CHRD: variants seen among roughly 807,000 people sequenced by gnomAD.
CHRD encodes the protein chordin.
In CHRD, 69 loss-of-function variants were observed where a neutral mutation model predicts 113.7. That is an observed-to-expected ratio of 0.61 (90% CI 0.50 to 0.74). CHRD has a LOEUF of 0.74. CHRD is among the 30% of genes least tolerant of loss of function. The probability of loss-of-function intolerance (pLI) is 0.00; values close to 1 mark genes in which losing one functional copy is unlikely to be tolerated. For missense variants in CHRD, 1,194 were observed against 1,295.8 expected (o/e 0.92, Z 1.21); for synonymous variants, 561 against 540.8 (o/e 1.04, Z -0.52).
Position 184,380,352 on chromosome 3 carries a change from C to T in CHRD, c.34C>T (p.Leu12=), listed in dbSNP as rs1225475448. 4 of 1,353,266 alleles carry T rather than the reference C, an allele frequency of 3.0e-6. No homozygotes were observed. In the South Asian group the frequency reaches 5.8e-5, roughly 20 times the overall value. The allele number at this position is 1,353,266 out of a possible 1,614,324, so 83.8% of individuals were successfully genotyped here. Residue 12 remains leucine (L), a synonymous_variant, in exon 1 of 23, where the codon CTG becomes TTG. Transcript: ENST00000204604. This position sits in a 1 kb window ranked among gnomAD's most constrained non-coding sequence, Gnocchi z 6.3. ...CCTCCCGGCCCCGCCGGCCCCGCTGCTGCTCCTCGGGCTGCTGCTGCTCGG... is the reference window on the plus strand; with the variant it reads ...CCTCCCGGCCCCGCCGGCCCCGCTGTTGCTCCTCGGGCTGCTGCTGCTCGG...
rs1715161199 is a variant in CHRD, at chr3:184,380,587, G to A, written c.149-105G>A. ...CGGCGGGCGGCCCGGAGGGTGGGCG[G>A]GGGCAGAAGGGCGCGGTGCCTGGGA... is the stretch of plus-strand genomic sequence containing the variant. On this transcript the variant is annotated intron_variant, in intron 1 of 22. Transcript: ENST00000204604. The surrounding 1 kb of genome is among the most constrained non-coding windows in gnomAD (Gnocchi z 6.3). The A allele has an allele frequency of 9.5e-7, 1 of 1,049,868 alleles. No individual in the cohort carries two copies. The highest frequency in any genetic ancestry group is 1.2e-6 in the Non-Finnish European group (1 of 831,762). The allele number at this position is 1,049,868 out of a possible 1,614,324, so 65.0% of individuals were successfully genotyped here.
rs767595082 is a variant in CHRD at position 184,386,562 on chromosome 3, C to T, written c.2003C>T (p.Ala668Val). The T allele has an allele frequency of 1.6e-5, 25 of 1,549,726 alleles. No individual in the cohort carries two copies. Among genetic ancestry groups the T allele is most frequent in the Non-Finnish European group, 2.2e-5 (25 of 1,155,268 alleles). The change falls in exon 16 of 23, where the codon GCG becomes GTG. Residue 668 changes from alanine (A) to valine (V), a missense_variant. Ala to Val is a moderately conservative substitution (Grantham distance 64). Transcript: ENST00000204604. ...GCGGCCGGGGCCGAGGGGGTGCGGG[C>T]GCTGGGGGCTCCGGATACAGCCTCT...
exon 8 of CHRD, chr3:184,382,688 G>C: frequency 6.2e-7 from 1 of 1,613,898 alleles, no homozygotes; most frequent in Non-Finnish European, 8.5e-7. Context: ...GGCGTAGGGG[G>C]CATCACCCTG....
chr3:184,384,902 C>A lies in CHRD; in HGVS notation c.1598-116C>A. The A allele has an allele frequency of 7.9e-7, 1 of 1,273,194 alleles. No homozygotes were observed. The highest frequency in any genetic ancestry group is 1.1e-6 in the Non-Finnish European group (1 of 900,018). The allele number at this position is 1,273,194 out of a possible 1,614,324, so 78.9% of individuals were successfully genotyped here. A position where few individuals can be genotyped will look rare whatever the true frequency, so the allele number is the denominator to read the frequency against. ...ACTTGCTGCTCTCCAGGCCCTGGAC[C>A]TATGGACAGTGTCTTCCAGCTCGTG... On this transcript the variant is annotated intron_variant, in intron 13 of 22. Transcript: ENST00000204604. The surrounding 1 kb of genome is among the most constrained non-coding windows in gnomAD (Gnocchi z 4.4).
chr3:184,387,022 C>CT lies in CHRD; in HGVS notation c.2291-28dup. 2.5e-6 allele frequency: 4 copies of CT among 1,614,110 alleles called. No homozygotes were observed. The highest frequency in any genetic ancestry group is 3.4e-6 in the Non-Finnish European group (4 of 1,179,940). On this transcript the variant is annotated intron_variant, in intron 17 of 22. Coordinates refer to ENST00000204604, the Ensembl canonical transcript of CHRD. The surrounding 1 kb of genome is among the most constrained non-coding windows in gnomAD (Gnocchi z 6.1). ...GGGAGGGAATGAGGGTGGTCACTCT[C>CT]TGCTTTCACCATTTCTTTGGCTCCA...
In CHRD at chr3:184,381,506, T is replaced by C; in HGVS notation, c.393T>C (p.Ser131=). Residue 131 remains serine (S), a synonymous_variant, in exon 4 of 23, where the codon AGT becomes AGC. Coordinates refer to ENST00000204604, the Ensembl canonical transcript of CHRD. The surrounding 1 kb of genome is among the most constrained non-coding windows in gnomAD (Gnocchi z 4.7). ...CCCCCCCGCCCGCAGAGCGCAGCAG[T>C]TCGGAGCGGCAGCCGAGCGGCCTGT... The C allele has an allele frequency of 6.3e-7, 1 of 1,598,516 alleles. No homozygotes were observed. Among genetic ancestry groups the C allele is most frequent in the African/African-American group, 1.3e-5 (1 of 74,800 alleles).
Position 184,384,562 on chromosome 3 carries a change from G to A in CHRD, c.1466G>A (p.Gly489Asp), listed in dbSNP as rs1214367058. The A allele has an allele frequency of 1.9e-6, 3 of 1,586,456 alleles. No individual in the cohort carries two copies. The African/African-American group carries it at 4.0e-5, about 21-fold the overall frequency. Reference sequence around the variant, plus strand: ...GCCGTGGGTATCTGCCCTGGGCTGGGTGCCCGAGGGGCTCATATGCTGCTG... The same window carrying A: ...GCCGTGGGTATCTGCCCTGGGCTGGATGCCCGAGGGGCTCATATGCTGCTG... Residue 489 changes from glycine to aspartate, a missense_variant, in exon 13 of 23, where the codon GGT becomes GAT. Coordinates refer to ENST00000204604, the Ensembl canonical transcript of CHRD. The surrounding 1 kb of genome is among the most constrained non-coding windows in gnomAD (Gnocchi z 4.4).
rs1360243647 is a variant in CHRD, at chr3:184,380,739, C to A, written c.196C>A (p.Pro66Thr). 6.3e-7 allele frequency: 1 copy of A among 1,599,880 alleles called. No homozygotes were observed. Among genetic ancestry groups the A allele is most frequent in the East Asian group, 2.3e-5 (1 of 44,202 alleles). Residue 66 changes from proline to threonine, a missense_variant, in exon 2 of 23, where the codon CCG (proline) becomes ACG (threonine). Transcript: ENST00000204604. This position sits in a 1 kb window ranked among gnomAD's most constrained non-coding sequence, Gnocchi z 6.3. ...CTATGCCTTGGACGAGACGTGGCAC[C>A]CGGACCTAGGGGAGCCATTCGGGGT... is the stretch of plus-strand genomic sequence containing the variant.
chr3:184,387,285 C>A lies in CHRD; in HGVS notation c.2348-89C>A. 2.1e-6 allele frequency: 3 copies of A among 1,458,832 alleles called. No individual in the cohort carries two copies. Among genetic ancestry groups the A allele is most frequent in the Non-Finnish European group, 2.8e-6 (3 of 1,069,696 alleles). The allele number at this position is 1,458,832 out of a possible 1,614,324, so 90.4% of individuals were successfully genotyped here. A position where few individuals can be genotyped will look rare whatever the true frequency, so the allele number is the denominator to read the frequency against. On this transcript the variant is annotated intron_variant, in intron 18 of 22. Transcript: ENST00000204604. This position sits in a 1 kb window ranked among gnomAD's most constrained non-coding sequence, Gnocchi z 6.1. The stretch of plus-strand genomic sequence containing the variant: ...CCCAGGTGGGCCCTTGGCTTAGGCT[C>A]GTGTGGGGGTGGCCTGAGGCTCAAG...
At chr3:184,382,914 A>G in exon 9 of CHRD, 8 of 1,613,884 alleles carry the variant, frequency 5.0e-6, no homozygotes, top group Non-Finnish European at 6.8e-6. Context: ...TACTGCGAGA[A>G]CTTCAGGCCA....
chr3:184,382,032 C>A lies in CHRD; in HGVS notation c.699+12C>A, dbSNP rs367834552. The stretch of plus-strand genomic sequence containing the variant: ...CCCAAGATGGCCTGGTGAGATGATG[C>A]CATTTATGAGCACTTGCCCAGTCTG... On this transcript the variant is annotated intron_variant, in intron 6 of 22. Coordinates refer to ENST00000204604, the Ensembl canonical transcript of CHRD. The A allele has an allele frequency of 2.3e-5, 37 of 1,613,300 alleles. No individual in the cohort carries two copies. The African/African-American group carries it at 4.8e-4, about 21-fold the overall frequency.
chr3:184,383,090 G>C (rs779266864), exon 10 of CHRD: 1 of 1,611,436 alleles, frequency 6.2e-7, no homozygotes, highest in South Asian at 1.1e-5. Context: ...GGGAGCTGCA[G>C]ATGGCCCTGG....
chr3:184,387,182 G>T lies in CHRD; in HGVS notation c.2347+75G>T. On this transcript the variant is annotated intron_variant, in intron 18 of 22. Coordinates refer to ENST00000204604, the Ensembl canonical transcript of CHRD. The surrounding 1 kb of genome is among the most constrained non-coding windows in gnomAD (Gnocchi z 6.1). ...GGTTGAACCAGGAGGGGGACAAGAA[G>T]GGGAGAGTATATAGGGGGTGGCCTG... The T allele has an allele frequency of 6.9e-7, 1 of 1,451,222 alleles. No homozygotes were observed. Among genetic ancestry groups the T allele is most frequent in the South Asian group, 1.1e-5 (1 of 87,234 alleles). 89.9% of individuals were successfully genotyped at this position (1,451,222 alleles called of 1,614,324 possible).
rs903814414 is a variant in CHRD, at chr3:184,381,648, G to C, written c.511+24G>C. Reference sequence around the variant, plus strand: ...GGGTAGGGGGCTGGCGAACAGCGGGGTTGTGGTTGAGGCTGGGCCACCAAA... The same window carrying C: ...GGGTAGGGGGCTGGCGAACAGCGGGCTTGTGGTTGAGGCTGGGCCACCAAA... On this transcript the variant is annotated intron_variant, in intron 4 of 22. Transcript: ENST00000204604. The surrounding 1 kb of genome is among the most constrained non-coding windows in gnomAD (Gnocchi z 4.7). 1 of 1,605,092 alleles carries C rather than the reference G, an allele frequency of 6.2e-7. No homozygotes were observed. Among genetic ancestry groups the C allele is most frequent in the African/African-American group, 1.3e-5 (1 of 74,834 alleles).
In CHRD at chr3:184,383,904, G is replaced by A. The variant is rs547530654; in HGVS notation, c.1440+262G>A. ...CGATTCTCCTGCCTCAGCCTCCCAA[G>A]TAGCTGGGACCACAGGTGTGCACCA... On this transcript the variant is annotated intron_variant, in intron 12 of 22. Transcript: ENST00000204604. Among the ~76,000 whole-genome samples, 5 of 150,758 alleles carry A rather than the reference G, an allele frequency of 3.3e-5. No individual in the cohort carries two copies. The East Asian group carries it at 7.9e-4, about 24-fold the overall frequency.
rs929176927 is a variant in CHRD, at chr3:184,386,032, C to G, written c.1819-14C>G. ...AAGTGCCTTATTCCTATCCATTGTC[C>G]TGTCTATGTGCAGGCCCAGGGTGTG... On this transcript the variant is annotated splice_polypyrimidine_tract_variant and intron_variant, in intron 14 of 22. Transcript: ENST00000204604. 2 of 1,613,984 alleles carry G rather than the reference C, an allele frequency of 1.2e-6. No individual in the cohort carries two copies. Among genetic ancestry groups the G allele is most frequent in the Admixed American group, 3.3e-5 (2 of 60,020 alleles).
rs150451021 is a variant in CHRD, at chr3:184,388,780, G to A, written c.2709+39G>A. 310 of 1,611,334 alleles carry A rather than the reference G, an allele frequency of 1.9e-4. 2 individuals are homozygous for A. The East Asian group carries it at 6.8e-3, about 35-fold the overall frequency. On this transcript the variant is annotated intron_variant, in intron 21 of 22. Transcript: ENST00000204604. The surrounding 1 kb of genome is among the most constrained non-coding windows in gnomAD (Gnocchi z 6.1). ...AGAGGCTTGTGTGAGGTGGGTACTG[G>A]GAGCCTGGTCTGGAGTAGGGAGACC...
Position 184,380,401 on chromosome 3 carries a change from G to T in CHRD, c.83G>T (p.Gly28Val). Reference sequence around the variant, plus strand: ...GGCTCCCGGCCGGCCCGCGGCGCCGGCCCAGAGCCCCCCGTGCTGCCCATC... The same window carrying T: ...GGCTCCCGGCCGGCCCGCGGCGCCGTCCCAGAGCCCCCCGTGCTGCCCATC... Residue 28 changes from glycine to valine, a missense_variant, in exon 1 of 23, where the codon GGC becomes GTC. Gly to Val is a moderately radical substitution (Grantham distance 109, BLOSUM62 -3). Coordinates refer to ENST00000204604, the Ensembl canonical transcript of CHRD. The surrounding 1 kb of genome is among the most constrained non-coding windows in gnomAD (Gnocchi z 6.3). The T allele has an allele frequency of 7.5e-7, 1 of 1,340,840 alleles. No individual in the cohort carries two copies. The highest frequency in any genetic ancestry group is 1.5e-5 in the South Asian group (1 of 67,374). 83.1% of individuals were successfully genotyped at this position (1,340,840 alleles called of 1,614,324 possible).
rs1484131150 is a variant in CHRD, at chr3:184,383,030, T to G, written c.1080T>G (p.Ala360=). ...TCTGTCCCCAGGAACCAGGCTTTGCTGAGGTGCTGCCCAACCTGACAGTCC... is the reference window on the plus strand; with the variant it reads ...TCTGTCCCCAGGAACCAGGCTTTGCGGAGGTGCTGCCCAACCTGACAGTCC... Residue 360 remains alanine (A), a synonymous_variant, in exon 10 of 23, where the codon GCT becomes GCG. Coordinates refer to ENST00000204604, the Ensembl canonical transcript of CHRD. The G allele has an allele frequency of 1.9e-6, 3 of 1,612,540 alleles. No individual in the cohort carries two copies. In the South Asian group the frequency reaches 3.3e-5, roughly 18 times the overall value.
Sources: gnomAD v4.1 joint callset for allele counts (sites outside exome capture counted in the v4.1 genomes callset) on GRCh38, gnomAD v4.1.1 for gene constraint, Gnocchi (gnomAD v3.1) non-coding constraint, MANE v1.5 for transcripts, NCBI Gene and HGNC (gene_info 2026-07-23, HGNC 2026-07-21) for gene names.